Variants in CHD9 observed in about 807,000 individuals in gnomAD.
The protein encoded by CHD9 is chromodomain helicase DNA binding protein 9.
Under a neutral mutation model 316.1 loss-of-function variants are expected in CHD9, and 77 were observed. The ratio of observed to expected loss-of-function variants is 0.24; its 90% CI spans 0.20 to 0.29. CHD9 has a LOEUF of 0.29. CHD9 is among the 10% of genes least tolerant of loss of function. CHD9 has a pLI of 1.00. For missense variants in CHD9, 2,763 were observed against 3,438.1 expected (o/e 0.80, Z 4.91); for synonymous variants, 1,129 against 1,158.3 (o/e 0.97, Z 0.51).
chr16:53,108,119 C>T (rs1474892431), intron 1 of CHD9, among the ~76,000 whole-genome samples: 1 of 152,098 alleles, frequency 6.6e-6, no homozygotes, highest in South Asian at 2.1e-4. Flanking sequence ...TTTTTATCTC[C>T]AAAATGTTCT....
intron 1 of CHD9, among the ~76,000 whole-genome samples, chr16:53,058,695 T>A (rs1410884576): frequency 6.6e-6 from 1 of 152,142 alleles, no homozygotes; most frequent in African/African-American, 2.4e-5. Context: ...GACAGGATCA[T>A]TTCCGCCTTT....
At chr16:53,278,232 A>C (rs1482801999) in intron 24 of CHD9, among the ~76,000 whole-genome samples, 1 of 152,128 alleles carries the variant, frequency 6.6e-6, no homozygotes, top group Non-Finnish European at 1.5e-5. Context: ...TACCACCATC[A>C]TTCTTCACAG....
At chr16:53,158,689 T>G (rs904317117) in intron 2 of CHD9, among the ~76,000 whole-genome samples, 2 of 152,162 alleles carry the variant, frequency 1.3e-5, no homozygotes, top group Non-Finnish European at 2.9e-5. Flanking sequence ...CAGTTTGAAG[T>G]GCAGTGGCAC....
At chr16:53,293,114 T>C (rs1329507590) in intron 29 of CHD9, 62 bp downstream of exon 29, 4 of 1,402,620 alleles carry the variant, frequency 2.9e-6, no homozygotes, top group Non-Finnish European at 2.9e-6. Context: ...TTCTAAAGCC[T>C]GTCTGGGTAC....
chr16:53,179,005 A>T (rs1201589367), intron 2 of CHD9, among the ~76,000 whole-genome samples: 1 of 151,972 alleles, frequency 6.6e-6, no homozygotes, highest in African/African-American at 2.4e-5. Flanking sequence ...CCTGGGCAAC[A>T]TAGCGAGACC....
intron 1 of CHD9, among the ~76,000 whole-genome samples, chr16:53,118,262 C>A (rs1567341887): frequency 6.6e-6 from 1 of 152,070 alleles, no homozygotes; most frequent in Non-Finnish European, 1.5e-5. Context: ...ACCAAAAATA[C>A]AAAAATTAGC....
chr16:53,060,108 C>A (rs72797636), intron 1 of CHD9, among the ~76,000 whole-genome samples: 2,975 of 152,246 alleles, frequency 0.02, 46 homozygotes, highest in Middle Eastern at 0.037. Flanking sequence ...CTTTGGAAGA[C>A]CAAGGAGGGA....
Position 53,307,843 on chromosome 16 carries a change from G to A in CHD9, c.6943G>A (p.Val2315Ile). 1.9e-6 allele frequency: 3 copies of A among 1,613,798 alleles called. No homozygotes were observed. The highest frequency in any genetic ancestry group is 2.5e-6 in the Non-Finnish European group (3 of 1,179,848). Residue 2315 changes from valine (V) to isoleucine (I), a missense_variant, in exon 33 of 39, where the codon GTA becomes ATA. Around this residue, in one of 15 missense-constraint regions of CHD9, gnomAD observed 663 missense variants for 751.2 expected, o/e 0.88. Transcript: ENST00000447540. Reference sequence around the variant, plus strand: ...AGCTACAGAATACAGCGATCCCAGTGTACCCACTCCCCCAGGTGCCGGTGT... The same window carrying A: ...AGCTACAGAATACAGCGATCCCAGTATACCCACTCCCCCAGGTGCCGGTGT... ...GAATEYSDPS[V>I]PTPPGAGVKE...
Position 53,307,749 on chromosome 16 carries a change from TAGA to T in CHD9, c.6855_6857del (p.Arg2285del), listed in dbSNP as rs763120956. 5 of 1,612,532 alleles carry T rather than the reference TAGA, an allele frequency of 3.1e-6. No homozygotes were observed. In the African/African-American group the frequency reaches 4.0e-5, roughly 13 times the overall value. On this transcript the variant is annotated inframe_deletion, in exon 33 of 39. Transcript: ENST00000447540. ...TTCTGAAAGGAAAGTGGCCTTCAGC[TAGA>T]AGAAGTTATGATGCTAACACAGTGG...
At chr16:53,256,381 C>CTTTT (rs1163977563) in intron 19 of CHD9, among the ~76,000 whole-genome samples, 200 of 99,240 alleles carry the variant, frequency 2.0e-3, no homozygotes, top group African/African-American at 4.1e-3. Context: ...TTTTTCTTTT[C>CTTTT]TTTTTTTTTT....
chr16:53,284,056 A>T (rs988209226), intron 24 of CHD9, among the ~76,000 whole-genome samples: 1 of 152,106 alleles, frequency 6.6e-6, no homozygotes, highest in East Asian at 1.9e-4. Flanking sequence ...TTATTTTTAT[A>T]TAAAAATTTG....
At chr16:53,286,075 A>G (rs1364628884) in intron 25 of CHD9, 151 bp from the exon 26 acceptor site, 1 of 537,200 alleles carries the variant, frequency 1.9e-6, no homozygotes, top group Non-Finnish European at 3.3e-6. Flanking sequence ...TGTTTGTGAT[A>G]ATTTCTAGAA....
At chr16:53,132,366 C>T (rs1240095585) in intron 1 of CHD9, among the ~76,000 whole-genome samples, 1 of 152,138 alleles carries the variant, frequency 6.6e-6, no homozygotes, top group Non-Finnish European at 1.5e-5. Flanking sequence ...CTACTTTTCA[C>T]CTTTTCCTTT....
At chr16:53,061,020 G>C (rs952156789) in intron 1 of CHD9, among the ~76,000 whole-genome samples, 2 of 141,896 alleles carry the variant, frequency 1.4e-5, no homozygotes, top group African/African-American at 2.6e-5. Context: ...CCGCCCCCCC[G>C]GGTTCAAGCG....
chr16:53,135,278 AC>A (rs2152692201), intron 1 of CHD9, among the ~76,000 whole-genome samples: 1 of 152,304 alleles, frequency 6.6e-6, no homozygotes, highest in East Asian at 1.9e-4. Flanking sequence ...TTAAAGACTT[AC>A]AGGTTTTACT....
intron 1 of CHD9, among the ~76,000 whole-genome samples, chr16:53,101,890 G>A (rs191240281): frequency 2.0e-5 from 3 of 152,180 alleles, no homozygotes; most frequent in South Asian, 2.1e-4. Context: ...TTTCCATGTC[G>A]TCTCCATCAT....
intron 2 of CHD9, among the ~76,000 whole-genome samples, chr16:53,176,591 A>G (rs1048444647): frequency 2.0e-5 from 3 of 152,210 alleles, no homozygotes; most frequent in Non-Finnish European, 4.4e-5. Context: ...CAAGGGACTG[A>G]TTTATGACTT....
intron 3 of CHD9, among the ~76,000 whole-genome samples, chr16:53,212,130 G>A (rs1262773138): frequency 6.6e-6 from 1 of 152,218 alleles, no homozygotes; most frequent in Non-Finnish European, 1.5e-5. Context: ...GGCTGGGCGC[G>A]GTGGCTCATG....
chr16:53,152,356 C>G (rs1308230237), intron 1 of CHD9, among the ~76,000 whole-genome samples: 3 of 152,118 alleles, frequency 2.0e-5, no homozygotes, highest in African/African-American at 7.2e-5. Flanking sequence ...TCTGACACTT[C>G]CTGCTTGTTT....
Sources: gnomAD v4.1 joint callset for allele counts (sites outside exome capture counted in the v4.1 genomes callset) on GRCh38, gnomAD v4.1.1 for gene constraint, gnomAD v4.1.1 regional missense constraint, MANE v1.5 for transcripts, NCBI Gene and HGNC (gene_info 2026-07-23, HGNC 2026-07-21) for gene names.